Variants in PDK1 observed in about 807,000 individuals in gnomAD.
PDK1 encodes pyruvate dehydrogenase kinase 1.
PDK1 carries 39 observed loss-of-function variants against 54.2 expected under a neutral mutation model. The observed-to-expected ratio is 0.72, with a 90% CI of 0.56 to 0.94. PDK1 has a LOEUF of 0.94. PDK1 is among the 40% of genes least tolerant of loss of function. The pLI is 0.00. For synonymous variants in PDK1, 221 were observed against 207.1 expected (o/e 1.07, Z -0.58); for missense variants, 552 against 566.0 (o/e 0.98, Z 0.25).
At chr2:172,670,923 T>G in the PDK1 span, among the ~76,000 whole-genome samples, 1 of 152,140 alleles carries the variant, frequency 6.6e-6, no homozygotes, top group Non-Finnish European at 1.5e-5. Flanking sequence ...GGATGAACTT[T>G]GTTAATAGTT....
chr2:172,639,447 G>A, the PDK1 span, among the ~76,000 whole-genome samples: 1 of 152,090 alleles, frequency 6.6e-6, no homozygotes, highest in Non-Finnish European at 1.5e-5. Flanking sequence ...TGAGGTCCCC[G>A]TTTCCTTATT....
chr2:172,615,269 GC>G, the PDK1 span, among the ~76,000 whole-genome samples: 91 of 152,316 alleles, frequency 6.0e-4, no homozygotes, highest in Non-Finnish European at 9.6e-4. Flanking sequence ...GAAAACAGCA[GC>G]ACTGTTTGAG....
the PDK1 span, among the ~76,000 whole-genome samples, chr2:172,719,278 G>A: frequency 9.9e-5 from 15 of 152,214 alleles, no homozygotes; most frequent in African/African-American, 3.1e-4. Context: ...ATAAATAGTC[G>A]TGTACAGGTT....
At chr2:172,622,388 TTATATCA>T in the PDK1 span, among the ~76,000 whole-genome samples, 8 of 149,458 alleles carry the variant, frequency 5.4e-5, no homozygotes, top group South Asian at 2.2e-4. Context: ...TGAGATATGT[TTATATCA>T]TATATTATGT....
chr2:172,721,705 G>A, the PDK1 span, among the ~76,000 whole-genome samples: 1 of 152,206 alleles, frequency 6.6e-6, no homozygotes, highest in Non-Finnish European at 1.5e-5. Context: ...ATGCATGGAA[G>A]GGTTAATAAT....
the PDK1 span, among the ~76,000 whole-genome samples, chr2:172,640,439 A>ATG: frequency 1.3e-5 from 2 of 152,206 alleles, no homozygotes; most frequent in Non-Finnish European, 2.9e-5. Flanking sequence ...TTGGCAGATG[A>ATG]GGTCAGCAAA....
rs939428528 is a variant in PDK1 at position 172,600,506 on chromosome 2, T to C, written c.*4537T>C. On this transcript the variant is annotated 3_prime_UTR_variant, in exon 11 of 11. Transcript: ENST00000282077. Reference sequence around the variant, plus strand: ...AGGCACCTGTAATTGTGAAGCAGCCTCATTGTCTGGGGTAAATACCAAGGT... The same window carrying C: ...AGGCACCTGTAATTGTGAAGCAGCCCCATTGTCTGGGGTAAATACCAAGGT... The C allele has an allele frequency of 1.3e-5, 2 of 152,202 alleles. No individual in the cohort carries two copies. The highest frequency in any genetic ancestry group is 2.9e-5 in the Non-Finnish European group (2 of 68,034). The allele number at this position is 152,202 out of a possible 1,614,324, so 9.4% of individuals were successfully genotyped here.
chr2:172,691,901 A>G, the PDK1 span, among the ~76,000 whole-genome samples: 1 of 152,256 alleles, frequency 6.6e-6, no homozygotes, highest in Admixed American at 6.5e-5. Context: ...TTGTGTGGAC[A>G]TAAGTTTCCA....
the PDK1 span, among the ~76,000 whole-genome samples, chr2:172,661,101 T>C: frequency 6.6e-6 from 1 of 152,140 alleles, no homozygotes; most frequent in Admixed American, 6.5e-5. Context: ...GAAATTGACA[T>C]TTCATCAGGA....
chr2:172,687,402 C>A, the PDK1 span, among the ~76,000 whole-genome samples: 2,242 of 152,042 alleles, frequency 0.015, 59 homozygotes, highest in African/African-American at 0.052. Flanking sequence ...ACAAATCCTT[C>A]TCTGAATATG....
At chr2:172,557,155 G>T (rs1180413995) in intron 1 of PDK1, among the ~76,000 whole-genome samples, 3 of 152,130 alleles carry the variant, frequency 2.0e-5, no homozygotes, top group African/African-American at 7.2e-5. Context: ...TAAAACTGTG[G>T]TTTGTAGTGG....
At chr2:172,556,566 T>G (rs1056841599) in intron 1 of PDK1, 1 of 408,272 alleles carries the variant, frequency 2.4e-6, no homozygotes, top group East Asian at 3.8e-5. Flanking sequence ...TTTGACCGTA[T>G]TGTTGAAAAC....
chr2:172,562,259 C>G lies in PDK1; in HGVS notation c.378C>G (p.Asp126Glu), dbSNP rs2149200538. ...QSLQELLDFK[D>E]KSAEDAKAIY... ...TTCAGGAGCTTCTTGATTTTAAGGACAAAAGTGCTGAGGATGCTAAAGCTA... is the reference window on the plus strand; with the variant it reads ...TTCAGGAGCTTCTTGATTTTAAGGAGAAAAGTGCTGAGGATGCTAAAGCTA... The change falls in exon 3 of 11, where the codon GAC becomes GAG. Residue 126 changes from aspartate (D) to glutamate (E), a missense_variant. Asp to Glu is a conservative substitution (Grantham distance 45). Coordinates refer to ENST00000282077, the MANE Select transcript of PDK1 (RefSeq NM_002610.5). 1 of 1,602,646 alleles carries G rather than the reference C, an allele frequency of 6.2e-7. No homozygotes were observed. The highest frequency in any genetic ancestry group is 2.2e-5 in the East Asian group (1 of 44,804).
the PDK1 span, among the ~76,000 whole-genome samples, chr2:172,706,928 T>C: frequency 2.0e-5 from 3 of 152,144 alleles, no homozygotes; most frequent in Admixed American, 2.0e-4. Flanking sequence ...AGGGTCTCCT[T>C]GTTCCTGCTG....
the PDK1 span, among the ~76,000 whole-genome samples, chr2:172,650,213 C>T: frequency 1.3e-5 from 2 of 152,238 alleles, no homozygotes; most frequent in Admixed American, 6.5e-5. Context: ...AATTTTCAAC[C>T]CAGAATTTCA....
At chr2:172,668,934 GAGAGAAAGAGA>G in the PDK1 span, among the ~76,000 whole-genome samples, 1 of 125,902 alleles carries the variant, frequency 7.9e-6, no homozygotes, top group East Asian at 2.1e-4. Flanking sequence ...GAGAGAGAGA[GAGAGAAAGAGA>G]GAGAGACGGA....
chr2:172,646,735 C>CTTTTTTTTTTTT, the PDK1 span, among the ~76,000 whole-genome samples: 1,344 of 71,856 alleles, frequency 0.019, 200 homozygotes, highest in Admixed American at 0.04. Flanking sequence ...CTTGCATTTC[C>CTTTTTTTTTTTT]TTTTTTTTTT....
chr2:172,698,784 T>C, the PDK1 span, among the ~76,000 whole-genome samples: 1 of 152,212 alleles, frequency 6.6e-6, no homozygotes, highest in Non-Finnish European at 1.5e-5. Context: ...TGAGGAGGTA[T>C]TAAACAACAC....
rs2149310416 is a variant in PDK1, at chr2:172,599,395, A to G, written c.*3426A>G. 2 of 152,292 alleles carry G rather than the reference A, an allele frequency of 1.3e-5. No homozygotes were observed. The highest frequency in any genetic ancestry group is 3.9e-4 in the East Asian group (2 of 5,178). The allele number at this position is 152,292 out of a possible 1,614,324, so 9.4% of individuals were successfully genotyped here. ...ACTGTTGCTCTGTGAATGACTAATCAGAGGAAGCCAAAAATCAGCCAACTA... is the reference window on the plus strand; with the variant it reads ...ACTGTTGCTCTGTGAATGACTAATCGGAGGAAGCCAAAAATCAGCCAACTA... On this transcript the variant is annotated 3_prime_UTR_variant, in exon 11 of 11. Coordinates refer to ENST00000282077, the MANE Select transcript of PDK1 (RefSeq NM_002610.5).
Sources: allele counts gnomAD v4.1 joint callset (sites outside exome capture counted in the v4.1 genomes callset), GRCh38; gene constraint gnomAD v4.1.1; transcripts MANE v1.5; gene names NCBI Gene and HGNC (gene_info 2026-07-23, HGNC 2026-07-21).